The following CUX1 variants were observed in gnomAD, a reference collection of about 807,000 sequenced individuals.
CUX1 encodes cut like homeobox 1, also known as protein CASP.
In CUX1, 31 loss-of-function variants were observed where a neutral mutation model predicts 158.8. That is an observed-to-expected ratio of 0.20 (90% CI 0.15 to 0.26). The LOEUF is 0.26. CUX1 is among the 10% of genes least tolerant of loss of function. The pLI is 1.00. For missense variants in CUX1, 1,589 were observed against 2,014.6 expected (o/e 0.79, Z 4.04); for synonymous variants, 879 against 862.1 (o/e 1.02, Z -0.34).
Position 102,140,446 on chromosome 7 carries a change from AT to A in CUX1, c.675-18113del, listed in dbSNP as rs1253828214. On this transcript the variant is annotated intron_variant, in intron 8 of 23. Transcript: ENST00000292535. Reference sequence around the variant, plus strand: ...ATTTTAGTAGAGACGGGGTTTCACCATGTTTGCCAGGCTATTCTCAAACTCC... The same window carrying A: ...ATTTTAGTAGAGACGGGGTTTCACCAGTTTGCCAGGCTATTCTCAAACTCC... Among the ~76,000 whole-genome samples, 6 of 148,720 alleles carry A rather than the reference AT, an allele frequency of 4.0e-5. No homozygotes were observed. In the East Asian group the frequency reaches 1.3e-3, roughly 32 times the overall value.
chr7:102,029,077 C>G (rs563347909), intron 3 of CUX1, among the ~76,000 whole-genome samples: 1 of 150,800 alleles, frequency 6.6e-6, no homozygotes, highest in Non-Finnish European at 1.5e-5. Context: ...ACTGCAACCT[C>G]CGTCTCCCAG....
chr7:102,252,712 A>G lies in CUX1; in HGVS notation c.*3670A>G. ...TGTGCCCAACTCACTTCCACCCCAGAGGAGTCTTCTGTCCTCCTCCCCAAC... is the reference window on the plus strand; with the variant it reads ...TGTGCCCAACTCACTTCCACCCCAGGGGAGTCTTCTGTCCTCCTCCCCAAC... On this transcript the variant is annotated 3_prime_UTR_variant, in exon 24 of 24. Transcript: ENST00000292535. 2 of 985,466 alleles carry G rather than the reference A, an allele frequency of 2.0e-6. No individual in the cohort carries two copies. Among genetic ancestry groups the G allele is most frequent in the Non-Finnish European group, 1.2e-6 (1 of 829,970 alleles). The allele number at this position is 985,466 out of a possible 1,614,324, so 61.0% of individuals were successfully genotyped here.
At chr7:101,817,336 C>T (rs1791961432), upstream of CUX1, 13 of 984,596 alleles carry the variant, frequency 1.3e-5, no homozygotes, top group South Asian at 5.6e-4. The surrounding 1 kb of genome is among the most constrained non-coding windows in gnomAD (Gnocchi z 4.1). Context: ...CTGCAGGGCC[C>T]GCCATGGAGC....
intron 3 of CUX1, among the ~76,000 whole-genome samples, chr7:102,040,420 G>T (rs1011520547): frequency 6.6e-6 from 1 of 152,202 alleles, no homozygotes; most frequent in Non-Finnish European, 1.5e-5. Context: ...AAGGAAGTTA[G>T]TAGGGCCCGG....
intron 21 of CUX1, among the ~76,000 whole-genome samples, chr7:102,232,674 C>T (rs1215633857): frequency 6.6e-6 from 1 of 152,106 alleles, no homozygotes; most frequent in Non-Finnish European, 1.5e-5. Flanking sequence ...AAACCAGCAG[C>T]GGAATGGCCC....
intron 3 of CUX1, among the ~76,000 whole-genome samples, chr7:102,048,989 C>A (rs1186054615): frequency 6.6e-6 from 1 of 152,156 alleles, no homozygotes; most frequent in East Asian, 1.9e-4. Flanking sequence ...CCTGAGCCTT[C>A]TAAGTCCAGC....
At chr7:101,973,584 AC>A (rs1250027162) in intron 2 of CUX1, among the ~76,000 whole-genome samples, 3 of 151,836 alleles carry the variant, frequency 2.0e-5, no homozygotes, top group African/African-American at 7.3e-5. Flanking sequence ...AAATGAATGC[AC>A]CCGTGTCCCC....
intron 2 of CUX1, among the ~76,000 whole-genome samples, chr7:102,000,428 TC>T (rs1291908292): frequency 3.3e-5 from 5 of 152,244 alleles, no homozygotes; most frequent in African/African-American, 4.8e-5. Context: ...TTCTTTCTCA[TC>T]CGCCTCTTGT....
intron 3 of CUX1, among the ~76,000 whole-genome samples, chr7:102,036,967 G>C (rs1563160476): frequency 6.6e-6 from 1 of 152,218 alleles, no homozygotes. Context: ...GAAGCAAGCA[G>C]TTCCCTTGAG....
At chr7:102,208,508 T>C (rs1292212958) in intron 20 of CUX1, among the ~76,000 whole-genome samples, 1 of 152,278 alleles carries the variant, frequency 6.6e-6, no homozygotes, top group Non-Finnish European at 1.5e-5. Flanking sequence ...CCTAAAGTGC[T>C]GGGATTATAG....
At chr7:102,098,020 T>C (rs1025950650) in intron 5 of CUX1, among the ~76,000 whole-genome samples, 4 of 152,226 alleles carry the variant, frequency 2.6e-5, no homozygotes, top group African/African-American at 9.6e-5. Flanking sequence ...TGCCCAGCCG[T>C]CAACAAGACA....
At chr7:102,169,213 G>A (rs975390255) in intron 9 of CUX1, among the ~76,000 whole-genome samples, 2 of 152,060 alleles carry the variant, frequency 1.3e-5, no homozygotes, top group Non-Finnish European at 2.9e-5. Context: ...GATTATAGGC[G>A]TGAGCCACCG....
At chr7:102,242,490 C>T (rs918646268) in intron 23 of CUX1, among the ~76,000 whole-genome samples, 18 of 152,202 alleles carry the variant, frequency 1.2e-4, no homozygotes, top group Admixed American at 9.2e-4. Context: ...GGATTACAGG[C>T]GTGAGCCACC....
intron 3 of CUX1, among the ~76,000 whole-genome samples, chr7:102,052,218 C>T (rs1823595016): frequency 6.6e-6 from 1 of 152,130 alleles, no homozygotes; most frequent in Non-Finnish European, 1.5e-5. Flanking sequence ...GAGACTCCAT[C>T]TAAAAAGAAA....
At chr7:102,086,971 G>A (rs1585605410) in intron 4 of CUX1, among the ~76,000 whole-genome samples, 1 of 152,054 alleles carries the variant, frequency 6.6e-6, no homozygotes, top group Admixed American at 6.5e-5. Flanking sequence ...GCTTTCTTTT[G>A]ATGAGAGTTT....
intron 6 of CUX1, among the ~76,000 whole-genome samples, chr7:102,108,126 G>T (rs1403112384): frequency 6.6e-6 from 1 of 152,120 alleles, no homozygotes; most frequent in African/African-American, 2.4e-5. Context: ...AAAAAGAACG[G>T]ACCATCCCTA....
intron 3 of CUX1, among the ~76,000 whole-genome samples, chr7:102,034,383 A>G (rs1821170853): frequency 1.3e-5 from 2 of 152,088 alleles, no homozygotes; most frequent in Non-Finnish European, 2.9e-5. Context: ...ATGATTAAAA[A>G]CTACCAACAG....
intron 3 of CUX1, among the ~76,000 whole-genome samples, chr7:102,063,996 A>C (rs904707183): frequency 6.6e-6 from 1 of 152,182 alleles, no homozygotes; most frequent in Non-Finnish European, 1.5e-5. Flanking sequence ...AGATCAGGGT[A>C]GCATTCCTGG....
At position 102,084,613 on chromosome 7, in the gene CUX1, C is replaced by T. The variant is rs531197824; in HGVS notation, c.269-12751C>T. Among the ~76,000 whole-genome samples, 850 of 143,998 alleles carry T rather than the reference C, an allele frequency of 5.9e-3. 109 individuals carry two copies. The highest frequency in any genetic ancestry group is 7.6e-3 in the Non-Finnish European group (485 of 64,066). 94.5% of individuals were successfully genotyped at this position (143,998 alleles called of 152,430 possible). On this transcript the variant is annotated intron_variant, in intron 4 of 23. Coordinates refer to ENST00000292535, the MANE Select transcript of CUX1 (RefSeq NM_181552.4). The stretch of plus-strand genomic sequence containing the variant: ...AATTTTTTTGGATTTTTAGTGGAGA[C>T]GGGGTTTCAGCATCTTGGCCAGGCT...
Sources: gnomAD v4.1 joint callset for allele counts (sites outside exome capture counted in the v4.1 genomes callset) on GRCh38, gnomAD v4.1.1 for gene constraint, Gnocchi (gnomAD v3.1) non-coding constraint, MANE v1.5 for transcripts, NCBI Gene and HGNC (gene_info 2026-07-23, HGNC 2026-07-21) for gene names.